The following CARD10 variants were observed in gnomAD, a reference collection of about 807,000 sequenced individuals.
The protein encoded by CARD10 is caspase recruitment domain-containing protein 10.
A neutral mutation model predicts 114.6 loss-of-function variants in CARD10; 49 were observed. That is an observed-to-expected ratio of 0.43 (90% CI 0.34 to 0.54). The LOEUF is 0.54. Among genes scored for constraint, CARD10 ranks in the 20% least tolerant of loss-of-function variants. The pLI, the probability that CARD10 is intolerant of heterozygous loss-of-function variation, is 0.03. For missense variants in CARD10, 1,206 were observed against 1,397.2 expected (o/e 0.86, Z 2.18); for synonymous variants, 602 against 593.2 (o/e 1.01, Z -0.21).
intron 2 of CARD10, among the ~76,000 whole-genome samples, chr22:37,516,714 C>A (rs56921761): frequency 0.073 from 11,155 of 152,236 alleles, 699 homozygotes; most frequent in African/African-American, 0.17. Context: ...TATGCACCAA[C>A]CTATCAACAA....
intron 9 of CARD10, chr22:37,503,895 C>T: frequency 5.5e-6 from 3 of 544,436 alleles, no homozygotes; most frequent in Non-Finnish European, 7.0e-6. Flanking sequence ...CCTGAACCAT[C>T]AAGCTTCTCC....
At chr22:37,506,706 G>C (rs553613877) in intron 6 of CARD10, among the ~76,000 whole-genome samples, 1 of 152,040 alleles carries the variant, frequency 6.6e-6, no homozygotes, top group Non-Finnish European at 1.5e-5. Context: ...ACTTTTCCAC[G>C]AGACCTGCTG....
chr22:37,496,811 T>C lies in CARD10; in HGVS notation c.1947+208A>G, dbSNP rs1392896975. 1 of 673,166 alleles carries C rather than the reference T, an allele frequency of 1.5e-6. No individual in the cohort carries two copies. Among genetic ancestry groups the C allele is most frequent in the African/African-American group, 1.8e-5 (1 of 55,346 alleles). 41.7% of individuals were successfully genotyped at this position (673,166 alleles called of 1,614,324 possible). A position where few individuals can be genotyped will look rare whatever the true frequency, so the allele number is the denominator to read the frequency against. ...TGAAGCGCAGGAATGTAACGTGCTG[T>C]CAGTTGGCTCCACCTCCCAGTCCCT... On this transcript the variant is annotated intron_variant, in intron 12 of 19. Coordinates refer to ENST00000251973, the MANE Select transcript of CARD10 (RefSeq NM_014550.4). The surrounding 1 kb of genome is among the most constrained non-coding windows in gnomAD (Gnocchi z 4.1).
rs1011366693 is a variant in CARD10, at chr22:37,491,020, G to C, written c.*139C>G. The C allele has an allele frequency of 2.2e-5, 15 of 683,438 alleles. No individual in the cohort carries two copies. The highest frequency in any genetic ancestry group is 1.5e-4 in the South Asian group (8 of 53,444). 42.3% of individuals were successfully genotyped at this position (683,438 alleles called of 1,614,324 possible). On this transcript the variant is annotated 3_prime_UTR_variant, in exon 20 of 20. Transcript: ENST00000251973. ...CTCGGCAGGGCCAGAGACAGCCTTG[G>C]GGGTGAGAGGCCAGAGCCAAGGGCC...
chr22:37,505,244 T>C (rs1195498443), intron 7 of CARD10, among the ~76,000 whole-genome samples: 4 of 151,960 alleles, frequency 2.6e-5, no homozygotes, highest in African/African-American at 9.7e-5. Context: ...GGACTCTGTC[T>C]TTACCAAACA....
Position 37,496,902 on chromosome 22 carries a change from G to A in CARD10, c.1947+117C>T, listed in dbSNP as rs530524428. 61 of 1,248,746 alleles carry A rather than the reference G, an allele frequency of 4.9e-5. No homozygotes were observed. Among genetic ancestry groups the A allele is most frequent in the Middle Eastern group, 2.6e-4 (1 of 3,864 alleles). The allele number at this position is 1,248,746 out of a possible 1,614,324, so 77.4% of individuals were successfully genotyped here. ...CACAGCTAATCACTGAGCCCGCTTC[G>A]GCTTTGACCAATCCCCAGAAGCTCT... On this transcript the variant is annotated intron_variant, in intron 12 of 19. Transcript: ENST00000251973. The surrounding 1 kb of genome is among the most constrained non-coding windows in gnomAD (Gnocchi z 4.1).
At chr22:37,508,817 C>A in intron 4 of CARD10, 135 bp from the exon 5 acceptor site, 2 of 1,236,674 alleles carry the variant, frequency 1.6e-6, no homozygotes, top group Non-Finnish European at 2.2e-6. Flanking sequence ...GGGGCCTCGA[C>A]CCTCTCTGGA....
At chr22:37,517,653 A>G (rs1162964937) in intron 2 of CARD10, among the ~76,000 whole-genome samples, 1 of 151,614 alleles carries the variant, frequency 6.6e-6, no homozygotes. Flanking sequence ...AAAAAAAAAA[A>G]TTCAAAGTCA....
intron 11 of CARD10, among the ~76,000 whole-genome samples, chr22:37,498,062 T>C (rs1342599480): frequency 2.0e-5 from 3 of 152,038 alleles, no homozygotes; most frequent in Non-Finnish European, 4.4e-5. Flanking sequence ...AAGGAATATA[T>C]CAGAGCAAAG....
In CARD10 at chr22:37,495,590, T is replaced by C; in HGVS notation, c.2304-4A>G. The stretch of plus-strand genomic sequence containing the variant: ...AACTTCTAGGAGCTGCTGGGCTCTG[T>C]GGGAGGGAGTGACATCATGTGTGTA... On this transcript the variant is annotated splice_region_variant and splice_polypyrimidine_tract_variant and intron_variant, in intron 14 of 19. Coordinates refer to ENST00000251973, the MANE Select transcript of CARD10 (RefSeq NM_014550.4). The C allele has an allele frequency of 1.2e-6, 2 of 1,613,420 alleles. No individual in the cohort carries two copies. Among genetic ancestry groups the C allele is most frequent in the Middle Eastern group, 1.6e-4 (1 of 6,062 alleles).
chr22:37,508,711 G>C, intron 4 of CARD10, 29 bp from the exon 5 acceptor site: 1 of 1,532,360 alleles, frequency 6.5e-7, no homozygotes, highest in East Asian at 2.4e-5. Context: ...GGCCACCTCA[G>C]GGTCTGGCTA....
chr22:37,506,071 C>T, intron 7 of CARD10, 121 bp downstream of exon 7: 2 of 764,306 alleles, frequency 2.6e-6, no homozygotes, highest in Non-Finnish European at 1.9e-6. Context: ...CCCACTTCCC[C>T]CAAGCTTCCT....
intron 10 of CARD10, 31 bp from the exon 11 acceptor site, chr22:37,502,756 G>A: frequency 6.2e-7 from 1 of 1,605,248 alleles, no homozygotes; most frequent in Non-Finnish European, 8.5e-7. Context: ...TCAGGGATCT[G>A]GCACTGGGAA....
In CARD10 at chr22:37,491,230, G is replaced by A; in HGVS notation, c.3028C>T (p.Gln1010Ter). 1.3e-6 allele frequency: 2 copies of A among 1,566,800 alleles called. No homozygotes were observed. Among genetic ancestry groups the A allele is most frequent in the Non-Finnish European group, 1.7e-6 (2 of 1,160,386 alleles). The change falls in exon 20 of 20, where the codon CAG becomes TAG. Residue 1010 changes from glutamine (Q) to a stop codon, truncating the protein, a stop_gained. Coordinates refer to ENST00000251973, the MANE Select transcript of CARD10 (RefSeq NM_014550.4). LOFTEE classifies it high-confidence loss of function. The stretch of plus-strand genomic sequence containing the variant: ...ACCCACACGAGGCGGGCCTGCTCCT[G>A]CAGGATGCGGCCGCGCACCACCTTG... ...LAKVVRGRIL[Q>*]EQARLVWVEC...
intron 9 of CARD10, chr22:37,503,981 T>G (rs1285314150): frequency 1.4e-6 from 1 of 708,154 alleles, no homozygotes; most frequent in African/African-American, 1.7e-5. Flanking sequence ...GAGTTCGCTC[T>G]GCCCATCGGC....
rs1396803083 is a variant in CARD10, at chr22:37,501,822, T to G, written c.1787+780A>C. Among the ~76,000 whole-genome samples the G allele has an allele frequency of 6.6e-6, 1 of 152,184 alleles. No individual in the cohort carries two copies. Among genetic ancestry groups the G allele is most frequent in the Non-Finnish European group, 1.5e-5 (1 of 68,032 alleles). On this transcript the variant is annotated intron_variant, in intron 11 of 19. Coordinates refer to ENST00000251973, the MANE Select transcript of CARD10 (RefSeq NM_014550.4). The surrounding 1 kb of genome is among the most constrained non-coding windows in gnomAD (Gnocchi z 5.4). Reference sequence around the variant, plus strand: ...AGCAGCTGGCCTTGCAGTTAATAACTAAACCCTCCCACATTTCCCAGAGTG... The same window carrying G: ...AGCAGCTGGCCTTGCAGTTAATAACGAAACCCTCCCACATTTCCCAGAGTG...
chr22:37,492,607 G>A lies in CARD10; in HGVS notation c.2635+37C>T. On this transcript the variant is annotated intron_variant, in intron 17 of 19. Coordinates refer to ENST00000251973, the MANE Select transcript of CARD10 (RefSeq NM_014550.4). This position sits in a 1 kb window ranked among gnomAD's most constrained non-coding sequence, Gnocchi z 5.7. ...GATCCATGGGCCCGGCTGCCCAGAGGGGCACCCAGCCTCCCCTCCCCGGCA... is the reference window on the plus strand; with the variant it reads ...GATCCATGGGCCCGGCTGCCCAGAGAGGCACCCAGCCTCCCCTCCCCGGCA... The A allele has an allele frequency of 6.2e-7, 1 of 1,609,950 alleles. No homozygotes were observed. The highest frequency in any genetic ancestry group is 8.5e-7 in the Non-Finnish European group (1 of 1,178,094).
chr22:37,505,209 C>T (rs1253918038), intron 7 of CARD10, among the ~76,000 whole-genome samples: 1 of 151,952 alleles, frequency 6.6e-6, no homozygotes, highest in Non-Finnish European at 1.5e-5. Flanking sequence ...GAACCCCACC[C>T]GCAGGGCCTC....
chr22:37,498,560 C>T (rs532118744), intron 11 of CARD10, among the ~76,000 whole-genome samples: 5 of 152,312 alleles, frequency 3.3e-5, no homozygotes, highest in Middle Eastern at 3.4e-3. Flanking sequence ...GGGGAGGGCG[C>T]GGCTGCAAGG....
Sources: gnomAD v4.1 joint callset for allele counts (sites outside exome capture counted in the v4.1 genomes callset) on GRCh38, gnomAD v4.1.1 for gene constraint, Gnocchi (gnomAD v3.1) non-coding constraint, MANE v1.5 for transcripts, NCBI Gene and HGNC (gene_info 2026-07-23, HGNC 2026-07-21) for gene names.